DLG2: variants seen among roughly 807,000 people sequenced by gnomAD.
DLG2 encodes the protein disks large homolog 2.
DLG2 carries 45 observed loss-of-function variants against 132.5 expected under a neutral mutation model. The ratio of observed to expected loss-of-function variants is 0.34; its 90% CI spans 0.27 to 0.44. The LOEUF (loss-of-function observed/expected upper bound fraction) is 0.44, where lower values mean the gene tolerates loss of function less well. DLG2 is among the 20% of genes least tolerant of loss of function. The pLI is 1.00. For missense variants in DLG2, 1,045 were observed against 1,196.9 expected (o/e 0.87, Z 1.87); for synonymous variants, 424 against 419.6 (o/e 1.01, Z -0.13).
chr11:84,294,555 G>A (rs1976708), intron 7 of DLG2, among the ~76,000 whole-genome samples: 16,618 of 152,196 alleles, frequency 0.11, 963 homozygotes, highest in Admixed American at 0.14. Context: ...CCGAGATCGC[G>A]GCACTGCATT....
intron 7 of DLG2, among the ~76,000 whole-genome samples, chr11:84,459,926 C>A (rs1267301437): frequency 6.6e-6 from 1 of 150,548 alleles, no homozygotes; most frequent in African/African-American, 2.4e-5. Context: ...GGTATGACAA[C>A]TGTCCTTACT....
intron 7 of DLG2, 22 bp downstream of exon 7, chr11:84,534,548 T>C: frequency 6.2e-7 from 1 of 1,610,510 alleles, no homozygotes; most frequent in Non-Finnish European, 8.5e-7. Context: ...AACTATAAAG[T>C]CGGAAGAGCA....
At chr11:84,424,357 A>G (rs964201951) in intron 7 of DLG2, among the ~76,000 whole-genome samples, 5 of 152,132 alleles carry the variant, frequency 3.3e-5, no homozygotes, top group African/African-American at 9.7e-5. Flanking sequence ...AGAGAATGAC[A>G]TGAAATAGTT....
At chr11:84,221,000 C>T (rs1470022007) in intron 8 of DLG2, among the ~76,000 whole-genome samples, 3 of 148,694 alleles carry the variant, frequency 2.0e-5, no homozygotes, top group African/African-American at 7.4e-5. Flanking sequence ...GACAGAGTCT[C>T]ACTGTGTTAC....
chr11:84,581,322 TTTCTTAG>T (rs1470555650), intron 6 of DLG2, among the ~76,000 whole-genome samples: 1 of 151,994 alleles, frequency 6.6e-6, no homozygotes, highest in African/African-American at 2.4e-5. Context: ...CAGCCAGGCC[TTTCTTAG>T]TAAAGGAAAA....
At chr11:85,321,884 G>A (rs1158418072) in intron 3 of DLG2, among the ~76,000 whole-genome samples, 1 of 152,044 alleles carries the variant, frequency 6.6e-6, no homozygotes, top group Non-Finnish European at 1.5e-5. Context: ...CAGACAGTAA[G>A]TGTGTATAAA....
chr11:85,447,674 A>G (rs185072813), intron 3 of DLG2, among the ~76,000 whole-genome samples: 4 of 152,276 alleles, frequency 2.6e-5, no homozygotes, highest in African/African-American at 9.6e-5. Context: ...AAACTAATAC[A>G]TATTTCATGA....
chr11:85,081,024 C>G (rs1314917970), intron 6 of DLG2, among the ~76,000 whole-genome samples: 4 of 151,820 alleles, frequency 2.6e-5, no homozygotes, highest in African/African-American at 9.7e-5. Context: ...AATTCTTAAC[C>G]CTTTTAAAGT....
At chr11:84,166,866 CAT>C (rs2095678860) in intron 8 of DLG2, 2 of 529,298 alleles carry the variant, frequency 3.8e-6, no homozygotes, top group Admixed American at 2.0e-5. Flanking sequence ...AGGTTATCGA[CAT>C]ATGATTTTCA....
chr11:84,583,296 C>T (rs2099521022), intron 6 of DLG2, among the ~76,000 whole-genome samples: 1 of 152,156 alleles, frequency 6.6e-6, no homozygotes, highest in Non-Finnish European at 1.5e-5. Context: ...CTCCCTGTTG[C>T]TTTTAAAAGC....
intron 19 of DLG2, among the ~76,000 whole-genome samples, chr11:83,563,306 C>T (rs10792690): frequency 0.7 from 106,583 of 151,990 alleles, 38,081 homozygotes; most frequent in African/African-American, 0.85. Context: ...GGCTTTAACT[C>T]TGAAACTTCT....
chr11:84,016,553 C>G (rs1240617572), intron 11 of DLG2, among the ~76,000 whole-genome samples: 1 of 152,070 alleles, frequency 6.6e-6, no homozygotes, highest in African/African-American at 2.4e-5. Context: ...GGTCCAGTTT[C>G]AATTTTCTGC....
intron 9 of DLG2, among the ~76,000 whole-genome samples, chr11:84,158,377 T>C (rs1045561847): frequency 5.3e-5 from 8 of 152,140 alleles, no homozygotes; most frequent in Non-Finnish European, 2.9e-5. Flanking sequence ...GTTGTTGTTT[T>C]CAAAGAGGCA....
At chr11:83,874,612 G>T in intron 15 of DLG2, 124 bp from the exon 16 acceptor site, 1 of 574,348 alleles carries the variant, frequency 1.7e-6, no homozygotes, top group Non-Finnish European at 2.8e-6. Flanking sequence ...ATGTATACAT[G>T]TGCCATGTTG....
intron 18 of DLG2, among the ~76,000 whole-genome samples, chr11:83,753,458 A>G (rs2093425342): frequency 6.6e-6 from 1 of 151,392 alleles, no homozygotes; most frequent in African/African-American, 2.4e-5. Context: ...CAAAACCAAA[A>G]ACTGAGATCT....
intron 6 of DLG2, among the ~76,000 whole-genome samples, chr11:84,825,701 G>A (rs1252164051): frequency 2.0e-5 from 3 of 151,834 alleles, no homozygotes; most frequent in Non-Finnish European, 4.4e-5. Context: ...CAGCATCATT[G>A]TTGTTTCAAA....
chr11:83,770,792 T>C (rs556044577), intron 18 of DLG2, among the ~76,000 whole-genome samples: 11 of 152,328 alleles, frequency 7.2e-5, no homozygotes, highest in African/African-American at 2.2e-4. Context: ...AAATACAAAT[T>C]GTGAGAAAAA....
intron 6 of DLG2, among the ~76,000 whole-genome samples, chr11:84,892,454 C>T (rs1002096687): frequency 3.9e-5 from 6 of 152,090 alleles, no homozygotes; most frequent in African/African-American, 1.4e-4. Context: ...ACCCCTAGTA[C>T]CTGGCTCATA....
intron 15 of DLG2, among the ~76,000 whole-genome samples, chr11:83,881,067 G>A (rs948849036): frequency 3.9e-5 from 6 of 152,022 alleles, no homozygotes; most frequent in South Asian, 2.1e-4. Context: ...GATAAAAACC[G>A]TGATTACTTT....
Sources: allele counts gnomAD v4.1 joint callset (sites outside exome capture counted in the v4.1 genomes callset), GRCh38; gene constraint gnomAD v4.1.1; transcripts MANE v1.5; gene names NCBI Gene and HGNC (gene_info 2026-07-23, HGNC 2026-07-21).